Variants in PIGB observed in about 807,000 individuals in gnomAD.
The protein encoded by PIGB is phosphatidylinositol glycan anchor biosynthesis class B, also known as GPI alpha-1,2-mannosyltransferase 3.
PIGB carries 58 observed loss-of-function variants against 68.4 expected under a neutral mutation model. That is an observed-to-expected ratio of 0.85 (90% CI 0.69 to 1.06). The LOEUF (loss-of-function observed/expected upper bound fraction) is 1.06, where lower values mean the gene tolerates loss of function less well. Ranked by LOEUF, PIGB falls within the 50% of genes least tolerant of loss-of-function variation. The pLI is 0.00. For synonymous variants in PIGB, 219 were observed against 220.5 expected, an observed-to-expected ratio of 0.99 and a Z score of 0.06; for missense variants, 634 against 655.8, an observed-to-expected ratio of 0.97 and a Z score of 0.36.
At chr15:55,340,972 T>C (rs1185474804) in intron 8 of PIGB, 149 bp downstream of exon 8, 4 of 582,032 alleles carry the variant, frequency 6.9e-6, no homozygotes, top group South Asian at 2.3e-5. Flanking sequence ...GTAGTAATTA[T>C]GGAGGCACTA....
At position 55,341,784 on chromosome 15, in the gene PIGB, T is replaced by C; in HGVS notation, c.1105T>C (p.Phe369Leu). 2 of 1,460,510 alleles carry C rather than the reference T, an allele frequency of 1.4e-6. No individual in the cohort carries two copies. The highest frequency in any genetic ancestry group is 9.2e-7 in the Non-Finnish European group (1 of 1,091,698). The allele number at this position is 1,460,510 out of a possible 1,614,324, so 90.5% of individuals were successfully genotyped here. A position where few individuals can be genotyped will look rare whatever the true frequency, so the allele number is the denominator to read the frequency against. Reference sequence around the variant, plus strand: ...CAGGTTTATTTATCCAGTTTTACCATTCTGTATGGTGTTCTGTGGTAAGTG... The same window carrying C: ...CAGGTTTATTTATCCAGTTTTACCACTCTGTATGGTGTTCTGTGGTAAGTG... The part of the protein sequence containing the change: ...EFRFIYPVLP[F>L]CMVFCGYSLT... The change falls in exon 9 of 12, where the codon TTC becomes CTC. Residue 369 changes from phenylalanine to leucine, a missense_variant. Phe to Leu is a conservative substitution (Grantham distance 22). Coordinates refer to ENST00000164305, the MANE Select transcript of PIGB (RefSeq NM_004855.5).
rs561958739 is a variant in PIGB at position 55,338,510 on chromosome 15, C to T, written c.795-757C>T. Among the ~76,000 whole-genome samples, 55 of 151,994 alleles carry T rather than the reference C, an allele frequency of 3.6e-4. No homozygotes were observed. In the South Asian group the frequency reaches 9.8e-3, roughly 27 times the overall value. ...AAATCCAAAAATTATCCAGTCATGG[C>T]GGCACACACCTGTAGTCCTAGTTAC... On this transcript the variant is annotated intron_variant, in intron 6 of 11. Coordinates refer to ENST00000164305, the MANE Select transcript of PIGB (RefSeq NM_004855.5).
At position 55,321,348 on chromosome 15, in the gene PIGB, C is replaced by T. The variant is rs2055158418; in HGVS notation, c.375C>T (p.Tyr125=). The T allele has an allele frequency of 3.1e-6, 5 of 1,605,526 alleles. No homozygotes were observed. Among genetic ancestry groups the T allele is most frequent in the African/African-American group, 2.7e-5 (2 of 74,792 alleles). Residue 125 remains tyrosine, a synonymous_variant, in exon 3 of 12, where the codon TAC becomes TAT. Coordinates refer to ENST00000164305, the MANE Select transcript of PIGB (RefSeq NM_004855.5). ...ATCCCTTAATCTTTGCAAGCATTTA[C>T]AAGATTCTTCATCTTTTAGGGAAAG... ...YTYPLIFASI[Y]KILHLLGKDS... is the part of the protein sequence containing the mutation.
intron 10 of PIGB, chr15:55,351,701 T>C (rs2055925224): frequency 6.6e-6 from 1 of 151,064 alleles, no homozygotes; most frequent in South Asian, 2.1e-4. Context: ...TGAAACCCCG[T>C]CTCTACTAAA....
At chr15:55,320,762 C>T (rs1008527479) in intron 2 of PIGB, among the ~76,000 whole-genome samples, 2 of 152,092 alleles carry the variant, frequency 1.3e-5, no homozygotes. Context: ...TGACTCTGGG[C>T]AACTGAAACA....
chr15:55,324,826 A>G, intron 3 of PIGB: 1 of 984,612 alleles, frequency 1.0e-6, no homozygotes, highest in Non-Finnish European at 1.2e-6. Context: ...TATGCAGAGT[A>G]AACAGAAGGT....
chr15:55,355,514 A>G lies in PIGB; in HGVS notation c.*82A>G. 8.6e-7 allele frequency: 1 copy of G among 1,159,912 alleles called. No individual in the cohort carries two copies. Among genetic ancestry groups the G allele is most frequent in the Non-Finnish European group, 1.2e-6 (1 of 818,128 alleles). The allele number at this position is 1,159,912 out of a possible 1,614,324, so 71.9% of individuals were successfully genotyped here. A position where few individuals can be genotyped will look rare whatever the true frequency, so the allele number is the denominator to read the frequency against. On this transcript the variant is annotated 3_prime_UTR_variant, in exon 12 of 12. Coordinates refer to ENST00000164305, the MANE Select transcript of PIGB (RefSeq NM_004855.5). ...CTTCGGTAAACACTGGGTAAGATTC[A>G]TGGAACTTAGAAAAAAGCTGTATGA...
rs1430464282 is a variant in PIGB, at chr15:55,333,900, C to T, written c.687C>T (p.Phe229=). 6.2e-7 allele frequency: 1 copy of T among 1,607,100 alleles called. No homozygotes were observed. The highest frequency in any genetic ancestry group is 8.5e-7 in the Non-Finnish European group (1 of 1,177,042). The change falls in exon 6 of 12, where the codon TTC becomes TTT. Residue 229 remains phenylalanine, a synonymous_variant. Transcript: ENST00000164305. Reference sequence around the variant, plus strand: ...ACTCATCCCTGGTGGCACTTGCCTTCATAATTCGTCCCACAGCTGTCATTC... The same window carrying T: ...ACTCATCCCTGGTGGCACTTGCCTTTATAATTCGTCCCACAGCTGTCATTC... ...VKYSSLVALA[F]IIRPTAVILW... is the part of the protein sequence containing the mutation.
At chr15:55,338,622 G>C (rs1162795833) in intron 6 of PIGB, among the ~76,000 whole-genome samples, 1 of 152,042 alleles carries the variant, frequency 6.6e-6, no homozygotes, top group East Asian at 1.9e-4. Context: ...ACTCCAGCCT[G>C]GGTGACAGAG....
At chr15:55,345,434 G>T (rs979316931) in intron 9 of PIGB, among the ~76,000 whole-genome samples, 49 of 152,112 alleles carry the variant, frequency 3.2e-4, no homozygotes, top group African/African-American at 1.1e-3. Context: ...ATGGAAAGAT[G>T]GCTTTACTTC....
At position 55,354,852 on chromosome 15, in the gene PIGB, T is replaced by A; in HGVS notation, c.1392T>A (p.Thr464=). Residue 464 remains threonine, a synonymous_variant, in exon 11 of 12, where the codon ACT becomes ACA. Coordinates refer to ENST00000164305, the MANE Select transcript of PIGB (RefSeq NM_004855.5). Reference sequence around the variant, plus strand: ...TTCTCCAGTGCCCGCCAGACCTGACTGGAAAAAGTCATTATCTTGATGAAG... The same window carrying A: ...TTCTCCAGTGCCCGCCAGACCTGACAGGAAAAAGTCATTATCTTGATGAAG... ...MRFLQCPPDL[T]GKSHYLDEAD... 1 of 1,613,850 alleles carries A rather than the reference T, an allele frequency of 6.2e-7. No homozygotes were observed.
chr15:55,330,199 T>C (rs1157443675), intron 5 of PIGB, among the ~76,000 whole-genome samples: 3 of 152,056 alleles, frequency 2.0e-5, no homozygotes, highest in East Asian at 1.9e-4. Context: ...AAGCTGTAAT[T>C]GTAAGAGAGT....
In PIGB at chr15:55,355,304, A is replaced by G; in HGVS notation, c.1537A>G (p.Ile513Val). 1 of 1,608,326 alleles carries G rather than the reference A, an allele frequency of 6.2e-7. No homozygotes were observed. Among genetic ancestry groups the G allele is most frequent in the East Asian group, 2.2e-5 (1 of 44,824 alleles). Residue 513 changes from isoleucine (I) to valine (V), a missense_variant, in exon 12 of 12, where the codon ATT becomes GTT. By Grantham distance (29) the Ile-to-Val change is conservative (BLOSUM62 3). Coordinates refer to ENST00000164305, the MANE Select transcript of PIGB (RefSeq NM_004855.5). ...ILEEEISAFL[I>V]SSNYKRTAVF... ...CTTCTAGGAAATAAGCGCTTTCCTA[A>G]TTTCAAGCAATTATAAAAGAACTGC...
chr15:55,349,049 A>T (rs574814923), intron 9 of PIGB, among the ~76,000 whole-genome samples: 19 of 148,156 alleles, frequency 1.3e-4, no homozygotes, highest in African/African-American at 4.8e-4. Flanking sequence ...CGCCCGGCTA[A>T]TTTTTATATT....
At chr15:55,344,012 C>T (rs899478602) in intron 9 of PIGB, among the ~76,000 whole-genome samples, 1 of 152,176 alleles carries the variant, frequency 6.6e-6, no homozygotes, top group East Asian at 1.9e-4. Context: ...TGAATCTTTC[C>T]TAACTACTTG....
rs1309674358 is a variant in PIGB at position 55,340,699 on chromosome 15, T to C, written c.934T>C (p.Phe312Leu). The C allele has an allele frequency of 6.2e-7, 1 of 1,612,376 alleles. No homozygotes were observed. The highest frequency in any genetic ancestry group is 1.1e-5 in the South Asian group (1 of 90,744). Residue 312 changes from phenylalanine to leucine, a missense_variant, in exon 8 of 12, where the codon TTC becomes CTC. Physicochemically the swap from Phe to Leu is conservative, Grantham distance 22. Coordinates refer to ENST00000164305, the MANE Select transcript of PIGB (RefSeq NM_004855.5). ...FYGSHPWHWY[F>L]SQGFPVILGT... Reference sequence around the variant, plus strand: ...TGGTTCTCATCCATGGCACTGGTACTTCAGTCAAGGATTTCCAGTTATCTT... The same window carrying C: ...TGGTTCTCATCCATGGCACTGGTACCTCAGTCAAGGATTTCCAGTTATCTT...
intron 6 of PIGB, 142 bp from the exon 7 acceptor site, chr15:55,339,125 T>C (rs2055605060): frequency 4.7e-6 from 3 of 639,326 alleles, no homozygotes; most frequent in Non-Finnish European, 8.3e-6. Flanking sequence ...CCTTTCAAAA[T>C]GTGTAAATCT....
At chr15:55,321,435 T>A in intron 3 of PIGB, 45 bp downstream of exon 3, 1 of 1,517,234 alleles carries the variant, frequency 6.6e-7, no homozygotes, top group Non-Finnish European at 8.9e-7. Flanking sequence ...GGCCATGGAA[T>A]TTGTTTTTAA....
In PIGB at chr15:55,341,725, GTTT is replaced by G. The variant is rs1298054073; in HGVS notation, c.1059-10_1059-8del. ...TAATTAATATTTTTTAATAATATTT[GTTT>G]TTATTACAGCATGTTGAGCCACAAA... On this transcript the variant is annotated splice_polypyrimidine_tract_variant and intron_variant, in intron 8 of 11. Coordinates refer to ENST00000164305, the MANE Select transcript of PIGB (RefSeq NM_004855.5). 2.5e-6 allele frequency: 3 copies of G among 1,223,738 alleles called. No individual in the cohort carries two copies. The African/African-American group carries it at 4.6e-5, about 19-fold the overall frequency. 75.8% of individuals were successfully genotyped at this position (1,223,738 alleles called of 1,614,324 possible). A position where few individuals can be genotyped will look rare whatever the true frequency, so the allele number is the denominator to read the frequency against.
Sources: gnomAD v4.1 joint callset for allele counts (sites outside exome capture counted in the v4.1 genomes callset) on GRCh38, gnomAD v4.1.1 for gene constraint, MANE v1.5 for transcripts, NCBI Gene and HGNC (gene_info 2026-07-23, HGNC 2026-07-21) for gene names.